The following SLIT3 variants were observed in gnomAD, a reference collection of about 807,000 sequenced individuals.
SLIT3 encodes the protein slit guidance ligand 3.
Under a neutral mutation model 184.0 loss-of-function variants are expected in SLIT3, and 68 were observed. The observed-to-expected ratio is 0.37, with a 90% CI of 0.30 to 0.45. SLIT3 has a LOEUF of 0.45. Among genes scored for constraint, SLIT3 ranks in the 20% least tolerant of loss-of-function variants. The probability of loss-of-function intolerance (pLI) is 1.00; values close to 1 mark genes in which losing one functional copy is unlikely to be tolerated. For synonymous variants in SLIT3, 831 were observed against 828.6 expected (o/e 1.00, Z -0.05); for missense variants, 1,707 against 2,026.0 (o/e 0.84, Z 3.02).
chr5:168,722,275 GC>G lies in SLIT3; in HGVS notation c.2463del (p.Leu822CysfsTer7). 6.2e-7 allele frequency: 1 copy of G among 1,614,114 alleles called. No individual in the cohort carries two copies. The highest frequency in any genetic ancestry group is 8.5e-7 in the Non-Finnish European group (1 of 1,179,998). ...LRCIPVHAFN[G>X]LRSLRVLTLH... is the part of the protein sequence containing the mutation. ...ACTCACAGCACTCGCAGGGACCGCA[GC>G]CCGTTGAAGGCGTGGACGGGGATGC... On this transcript the variant is annotated frameshift_variant, in exon 23 of 36. Coordinates refer to ENST00000519560, the MANE Select transcript of SLIT3 (RefSeq NM_003062.4). LOFTEE classifies it high-confidence loss of function.
chr5:168,782,676 C>T (rs954964517), intron 12 of SLIT3, among the ~76,000 whole-genome samples: 34 of 152,122 alleles, frequency 2.2e-4, no homozygotes, highest in African/African-American at 8.2e-4. Flanking sequence ...GTGATATGTC[C>T]TTTTCTCACC....
intron 4 of SLIT3, among the ~76,000 whole-genome samples, chr5:168,996,019 T>C (rs1755496310): frequency 6.6e-6 from 1 of 152,144 alleles, no homozygotes; most frequent in Admixed American, 6.5e-5. Flanking sequence ...TGACCATCTA[T>C]AGAGACATCT....
chr5:169,265,356 G>C (rs1231480693), intron 1 of SLIT3, among the ~76,000 whole-genome samples: 1 of 152,318 alleles, frequency 6.6e-6, no homozygotes, highest in Middle Eastern at 3.4e-3. Flanking sequence ...ATTCTGGCTT[G>C]TCTCCAAAGG....
intron 4 of SLIT3, among the ~76,000 whole-genome samples, chr5:168,951,668 A>C (rs1483623502): frequency 2.0e-5 from 3 of 152,186 alleles, no homozygotes; most frequent in Non-Finnish European, 4.4e-5. Flanking sequence ...AAGGAGTTGC[A>C]GCATTTGATG....
intron 4 of SLIT3, among the ~76,000 whole-genome samples, chr5:168,944,643 G>T (rs768220074): frequency 6.6e-6 from 1 of 152,100 alleles, no homozygotes; most frequent in Non-Finnish European, 1.5e-5. Flanking sequence ...GGAAGTATGG[G>T]TTGAGTCAGT....
At chr5:168,883,384 T>A (rs1760029348) in intron 4 of SLIT3, 48 bp from the exon 5 acceptor site, 3 of 1,374,302 alleles carry the variant, frequency 2.2e-6, no homozygotes, top group Non-Finnish European at 2.1e-6. Flanking sequence ...CCAGGCTGTC[T>A]TGATCTGCAT....
chr5:168,969,346 C>A (rs1207140037), intron 4 of SLIT3, among the ~76,000 whole-genome samples: 1 of 152,208 alleles, frequency 6.6e-6, no homozygotes, highest in Admixed American at 6.5e-5. Flanking sequence ...CTTTAATTTT[C>A]TCCTCAGTTG....
chr5:169,281,480 G>A (rs1345246103), intron 1 of SLIT3, among the ~76,000 whole-genome samples: 1 of 152,122 alleles, frequency 6.6e-6, no homozygotes, highest in Non-Finnish European at 1.5e-5. Flanking sequence ...GTCTCAACTC[G>A]ACCCAGCTTT....
chr5:168,823,068 G>A (rs1256762156), intron 7 of SLIT3, among the ~76,000 whole-genome samples, 192 bp downstream of exon 7: 22 of 152,160 alleles, frequency 1.4e-4, no homozygotes, highest in Admixed American at 1.4e-3. Flanking sequence ...CATGGTTGGT[G>A]GCACCATGAC....
chr5:168,874,420 T>C (rs1046313207), intron 5 of SLIT3, among the ~76,000 whole-genome samples: 7 of 152,232 alleles, frequency 4.6e-5, no homozygotes, highest in Non-Finnish European at 8.8e-5. Context: ...CGCTTATTGT[T>C]TATTGAGCAT....
At chr5:168,962,507 A>G (rs77493347) in intron 4 of SLIT3, among the ~76,000 whole-genome samples, 46 of 152,012 alleles carry the variant, frequency 3.0e-4, no homozygotes, top group East Asian at 2.5e-3. Context: ...CAAGCTTTCT[A>G]TATTCCGTGT....
At chr5:169,213,549 C>G (rs1764341203) in intron 3 of SLIT3, among the ~76,000 whole-genome samples, 1 of 152,206 alleles carries the variant, frequency 6.6e-6, no homozygotes, top group Non-Finnish European at 1.5e-5. Flanking sequence ...TCTTCACTTT[C>G]TTCAGATCTC....
chr5:168,871,614 G>A (rs1561979258), intron 5 of SLIT3, among the ~76,000 whole-genome samples: 2 of 152,200 alleles, frequency 1.3e-5, no homozygotes, highest in African/African-American at 4.8e-5. Flanking sequence ...GTTAGGGAGG[G>A]TCATTTCAGA....
chr5:169,195,614 T>C (rs1167313369), intron 3 of SLIT3, among the ~76,000 whole-genome samples: 2 of 152,140 alleles, frequency 1.3e-5, no homozygotes, highest in African/African-American at 2.4e-5. Flanking sequence ...GCAACCTCCA[T>C]GTCCCAGGTT....
At chr5:168,704,735 A>G (rs1472023790) in intron 26 of SLIT3, among the ~76,000 whole-genome samples, 1 of 152,188 alleles carries the variant, frequency 6.6e-6, no homozygotes, top group Non-Finnish European at 1.5e-5. Flanking sequence ...GTGCTTTTTT[A>G]TAATATTGTG....
rs188813591 is a variant in SLIT3 at position 168,722,374 on chromosome 5, C to T, written c.2412-47G>A. The T allele has an allele frequency of 2.9e-4, 436 of 1,513,876 alleles. No individual in the cohort carries two copies. The East Asian group carries it at 6.6e-3, about 23-fold the overall frequency. The allele number at this position is 1,513,876 out of a possible 1,614,324, so 93.8% of individuals were successfully genotyped here. ...CCCTGTTGTGTCTTTCTATTCTCTA[C>T]CATGCATAGGTGCACTGTTCACGTT... On this transcript the variant is annotated intron_variant, in intron 22 of 35. Transcript: ENST00000519560.
At chr5:168,928,309 T>C (rs1187999341) in intron 4 of SLIT3, among the ~76,000 whole-genome samples, 1 of 152,262 alleles carries the variant, frequency 6.6e-6, no homozygotes, top group Non-Finnish European at 1.5e-5. Flanking sequence ...ATGCTAGTTA[T>C]ATTTTGCTCT....
chr5:168,698,500 C>T (rs1427113474), intron 27 of SLIT3, among the ~76,000 whole-genome samples: 1 of 152,122 alleles, frequency 6.6e-6, no homozygotes, highest in Admixed American at 6.6e-5. Context: ...CAGGGAGGGA[C>T]AAGCAAGGAC....
chr5:168,739,882 T>A (rs151309923), intron 20 of SLIT3, among the ~76,000 whole-genome samples: 1 of 152,344 alleles, frequency 6.6e-6, no homozygotes, highest in Admixed American at 6.5e-5. Context: ...TAAAAAGATT[T>A]GCAAAAATAT....
Sources: gnomAD v4.1 joint callset for allele counts (sites outside exome capture counted in the v4.1 genomes callset) on GRCh38, gnomAD v4.1.1 for gene constraint, MANE v1.5 for transcripts, NCBI Gene and HGNC (gene_info 2026-07-23, HGNC 2026-07-21) for gene names.